PLS1: variants seen among roughly 807,000 people sequenced by gnomAD.
PLS1 encodes plastin 1, also known as plastin-1.
PLS1 carries 32 observed loss-of-function variants against 73.7 expected under a neutral mutation model. The ratio of observed to expected loss-of-function variants is 0.43; its 90% confidence interval spans 0.33 to 0.58. The LOEUF (loss-of-function observed/expected upper bound fraction) is 0.58. Ranked by LOEUF, PLS1 falls within the 20% of genes least tolerant of loss-of-function variation. PLS1 has a pLI of 0.04. For missense variants in PLS1, 633 were observed against 740.5 expected (o/e 0.85, Z 1.68); for synonymous variants, 217 against 261.3 (o/e 0.83, Z 1.63).
chr3:142,672,066 CA>C (rs527575663), intron 4 of PLS1, among the ~76,000 whole-genome samples: 157 of 150,612 alleles, frequency 1.0e-3, no homozygotes, highest in Non-Finnish European at 1.7e-3. Context: ...TTTTTAAAGA[CA>C]AAAAAAAATT....
At chr3:142,604,923 A>T (rs1367514467) in intron 1 of PLS1, among the ~76,000 whole-genome samples, 1 of 148,900 alleles carries the variant, frequency 6.7e-6, no homozygotes. Flanking sequence ...GCAGCAGAGC[A>T]AGACTCCGTC....
intron 2 of PLS1, among the ~76,000 whole-genome samples, chr3:142,668,484 A>G (rs2037524148): frequency 6.6e-6 from 1 of 152,214 alleles, no homozygotes; most frequent in Admixed American, 6.5e-5. Flanking sequence ...CGTATTTTAC[A>G]CAGCGCATGT....
At chr3:142,613,579 A>G (rs932671203) in intron 1 of PLS1, among the ~76,000 whole-genome samples, 3 of 152,206 alleles carry the variant, frequency 2.0e-5, no homozygotes, top group Admixed American at 6.5e-5. Context: ...TTTTGAAAAG[A>G]AAATATTATT....
At chr3:142,704,822 T>A (rs2038423476) in intron 14 of PLS1, among the ~76,000 whole-genome samples, 1 of 150,004 alleles carries the variant, frequency 6.7e-6, no homozygotes, top group African/African-American at 2.4e-5. Flanking sequence ...CTAATTTTTT[T>A]TTTTTTTTTG....
At chr3:142,620,912 A>G (rs549434270) in intron 1 of PLS1, among the ~76,000 whole-genome samples, 3 of 152,144 alleles carry the variant, frequency 2.0e-5, no homozygotes, top group African/African-American at 7.2e-5. Flanking sequence ...CAGCTACTAG[A>G]GAGGCTGAGG....
At chr3:142,687,519 TA>T (rs2037996543) in intron 9 of PLS1, among the ~76,000 whole-genome samples, 1 of 152,188 alleles carries the variant, frequency 6.6e-6, no homozygotes. Flanking sequence ...CAACGCTCTG[TA>T]AAATGTGCAA....
chr3:142,605,886 T>G (rs973295504), intron 1 of PLS1, among the ~76,000 whole-genome samples: 2 of 152,216 alleles, frequency 1.3e-5, no homozygotes. Context: ...ATCTGGAATG[T>G]GTAGGATAAA....
intron 1 of PLS1, among the ~76,000 whole-genome samples, chr3:142,612,853 C>T (rs1203002696): frequency 6.6e-6 from 1 of 152,156 alleles, no homozygotes; most frequent in African/African-American, 2.4e-5. Flanking sequence ...CTCACTCCAA[C>T]TTCTGCCTCC....
At chr3:142,681,308 AG>A (rs59216418) in intron 6 of PLS1, among the ~76,000 whole-genome samples, 4,783 of 152,272 alleles carry the variant, frequency 0.031, 231 homozygotes, top group African/African-American at 0.11. Flanking sequence ...TCTATAAATA[AG>A]ATAGATGTTA....
chr3:142,661,834 A>G (rs2037379074), intron 1 of PLS1, among the ~76,000 whole-genome samples: 1 of 152,224 alleles, frequency 6.6e-6, no homozygotes, highest in South Asian at 2.1e-4. Flanking sequence ...TGAATAGAAA[A>G]GCCACTAAGT....
chr3:142,679,455 G>T (rs1173077593), intron 6 of PLS1, among the ~76,000 whole-genome samples: 1 of 151,786 alleles, frequency 6.6e-6, no homozygotes, highest in African/African-American at 2.4e-5. Flanking sequence ...TTTGTATAAG[G>T]TGTAAGGAAG....
chr3:142,663,038 C>T (rs936080885), intron 1 of PLS1, among the ~76,000 whole-genome samples: 3 of 151,768 alleles, frequency 2.0e-5, no homozygotes, highest in African/African-American at 4.8e-5. Flanking sequence ...GGTGAAACCA[C>T]GTCTCTACTA....
intron 1 of PLS1, among the ~76,000 whole-genome samples, chr3:142,660,752 C>T (rs1248699449): frequency 1.3e-5 from 2 of 152,150 alleles, no homozygotes; most frequent in Non-Finnish European, 2.9e-5. Flanking sequence ...CATCTTTACA[C>T]TTATTAGCTA....
intron 1 of PLS1, among the ~76,000 whole-genome samples, chr3:142,618,684 A>T (rs1359364849): frequency 6.6e-6 from 1 of 152,082 alleles, no homozygotes; most frequent in African/African-American, 2.4e-5. Context: ...CCTTTCCTTC[A>T]TCTTCATAGC....
intron 14 of PLS1, among the ~76,000 whole-genome samples, chr3:142,707,853 G>A (rs529927466): frequency 4.0e-4 from 61 of 152,196 alleles, no homozygotes; most frequent in Non-Finnish European, 7.4e-4. Flanking sequence ...CATGAGAAGG[G>A]CATCTGTTTT....
chr3:142,685,755 C>T (rs1020043687), intron 8 of PLS1, among the ~76,000 whole-genome samples: 1 of 152,212 alleles, frequency 6.6e-6, no homozygotes, highest in Non-Finnish European at 1.5e-5. Flanking sequence ...ATCATAAGGC[C>T]TGTCCAAATT....
chr3:142,694,368 C>G (rs1303751927), intron 10 of PLS1, 101 bp from the exon 11 acceptor site: 1 of 594,628 alleles, frequency 1.7e-6, no homozygotes, highest in Non-Finnish European at 2.9e-6. Flanking sequence ...AGAACCATGG[C>G]AAGGTAGGTT....
chr3:142,684,094 C>T lies in PLS1; in HGVS notation c.668C>T (p.Pro223Leu), dbSNP rs745917265. Residue 223 changes from proline (P) to leucine (L), a missense_variant, in exon 7 of 16, where the codon CCT (proline) becomes CTT (leucine). Physicochemically the swap from Pro to Leu is moderately conservative, Grantham distance 98. Coordinates refer to ENST00000457734, the MANE Select transcript of PLS1 (RefSeq NM_001145319.2). The stretch of plus-strand genomic sequence containing the variant: ...GCATCAGATCTCAAAGAAGGAAAAC[C>T]TCACTTGGTCTTGGGACTTCTCTGG... ...IGASDLKEGK[P>L]HLVLGLLWQI... 6.2e-7 allele frequency: 1 copy of T among 1,613,948 alleles called. No homozygotes were observed. Among genetic ancestry groups the T allele is most frequent in the Non-Finnish European group, 8.5e-7 (1 of 1,179,888 alleles).
chr3:142,706,161 A>G (rs1250889623), intron 14 of PLS1, among the ~76,000 whole-genome samples: 2 of 152,232 alleles, frequency 1.3e-5, no homozygotes, highest in East Asian at 1.9e-4. Context: ...AGTAACTTTT[A>G]TAAGTAAAGA....
Sources: allele counts gnomAD v4.1 joint callset (sites outside exome capture counted in the v4.1 genomes callset), GRCh38; gene constraint gnomAD v4.1.1; transcripts MANE v1.5; gene names NCBI Gene and HGNC (gene_info 2026-07-23, HGNC 2026-07-21).